The following ENPEP variants were observed in gnomAD, a reference collection of about 807,000 sequenced individuals.
ENPEP encodes glutamyl aminopeptidase.
ENPEP carries 103 observed loss-of-function variants against 114.5 expected under a neutral mutation model. The observed-to-expected ratio is 0.90, with a 90% confidence interval of 0.77 to 1.06. The LOEUF (loss-of-function observed/expected upper bound fraction) is 1.06. Ranked by LOEUF, ENPEP falls within the 50% of genes least tolerant of loss-of-function variation. The pLI, the probability that ENPEP is intolerant of heterozygous loss-of-function variation, is 0.00. For missense variants in ENPEP, 1,196 were observed against 1,161.3 expected (o/e 1.03, Z -0.43); for synonymous variants, 420 against 422.0 (o/e 1.00, Z 0.06).
At position 110,542,869 on chromosome 4, in the gene ENPEP, G is replaced by A. The variant is rs757912646; in HGVS notation, c.1926G>A (p.Ala642=). Residue 642 remains alanine, a synonymous_variant, in exon 12 of 20, where the codon GCG becomes GCA. Transcript: ENST00000265162. ...EVATWDSIAT[A]LSLNHKTFSS... The stretch of plus-strand genomic sequence containing the variant: ...CAACTTGGGACTCGATAGCTACAGC[G>A]CTCTCCTTGAACCACAAGGTAAGAG... 3.2e-5 allele frequency: 51 copies of A among 1,612,910 alleles called. No homozygotes were observed. Among genetic ancestry groups the A allele is most frequent in the Admixed American group, 2.5e-4 (15 of 59,918 alleles).
chr4:110,533,179 AC>A, intron 11 of ENPEP: 1 of 369,540 alleles, frequency 2.7e-6, no homozygotes, highest in South Asian at 2.0e-5. Context: ...AGTACAATTC[AC>A]CCAGCACTTT....
intron 3 of ENPEP, chr4:110,506,033 G>A (rs1725357244): frequency 6.6e-6 from 1 of 152,198 alleles, no homozygotes; most frequent in South Asian, 2.1e-4. Context: ...CTCAGGGAAA[G>A]TTTGGATCAT....
intron 3 of ENPEP, among the ~76,000 whole-genome samples, chr4:110,502,218 C>G (rs1261228097): frequency 6.6e-6 from 1 of 152,170 alleles, no homozygotes; most frequent in Admixed American, 6.5e-5. Context: ...AATATTTTCT[C>G]TCATTCTGTA....
At chr4:110,544,176 A>G (rs1237213714) in intron 13 of ENPEP, among the ~76,000 whole-genome samples, 1 of 152,086 alleles carries the variant, frequency 6.6e-6, no homozygotes, top group Non-Finnish European at 1.5e-5. Context: ...CTGGTTCCAT[A>G]TAGTCTTAAG....
At chr4:110,561,233 G>A (rs1358687674) in intron 19 of ENPEP, among the ~76,000 whole-genome samples, 173 bp from the exon 20 acceptor site, 1 of 152,202 alleles carries the variant, frequency 6.6e-6, no homozygotes, top group Non-Finnish European at 1.5e-5. Context: ...GGTAACTATT[G>A]CTAATCTGAG....
Position 110,548,218 on chromosome 4 carries a change from G to A in ENPEP, c.2043G>A (p.Lys681=). Reference sequence around the variant, plus strand: ...ATAAGGTGGCTTTGAACTTGACCAAGTATCTCAAAAGGGAAGAGAATTTTT... The same window carrying A: ...ATAAGGTGGCTTTGAACTTGACCAAATATCTCAAAAGGGAAGAGAATTTTT... ...LDYKVALNLT[K]YLKREENFLP... Residue 681 remains lysine, a synonymous_variant, in exon 14 of 20, where the codon AAG becomes AAA. Transcript: ENST00000265162. The A allele has an allele frequency of 6.7e-7, 1 of 1,487,948 alleles. No individual in the cohort carries two copies. Among genetic ancestry groups the A allele is most frequent in the African/African-American group, 1.5e-5 (1 of 65,098 alleles). 92.2% of individuals were successfully genotyped at this position (1,487,948 alleles called of 1,614,324 possible). A position where few individuals can be genotyped will look rare whatever the true frequency, so the allele number is the denominator to read the frequency against.
intron 7 of ENPEP, among the ~76,000 whole-genome samples, 200 bp downstream of exon 7, chr4:110,513,749 AAG>A (rs980948989): frequency 6.6e-6 from 1 of 152,146 alleles, no homozygotes; most frequent in African/African-American, 2.4e-5. Flanking sequence ...AGAATTTTAA[AAG>A]AGATTTTTAA....
chr4:110,509,862 A>G, intron 5 of ENPEP, 55 bp downstream of exon 5: 2 of 1,555,774 alleles, frequency 1.3e-6, no homozygotes, highest in South Asian at 1.2e-5. Context: ...TTAAGACCAC[A>G]GGAATAATTC....
Position 110,490,884 on chromosome 4 carries a change from T to C in ENPEP, c.787-149T>C, listed in dbSNP as rs1724682043. On this transcript the variant is annotated intron_variant, in intron 2 of 19. Transcript: ENST00000265162. Reference sequence around the variant, plus strand: ...CAAAGTAAATTTTCCTGTAGTCTTTTCAACATCACCACAAACAATTTGACC... The same window carrying C: ...CAAAGTAAATTTTCCTGTAGTCTTTCCAACATCACCACAAACAATTTGACC... The C allele has an allele frequency of 5.4e-5, 44 of 819,866 alleles. No homozygotes were observed. The South Asian group carries it at 7.9e-4, about 15-fold the overall frequency. The allele number at this position is 819,866 out of a possible 1,614,324, so 50.8% of individuals were successfully genotyped here.
chr4:110,517,257 A>T (rs1264656006), intron 8 of ENPEP, among the ~76,000 whole-genome samples: 2 of 152,130 alleles, frequency 1.3e-5, no homozygotes, highest in Non-Finnish European at 2.9e-5. Context: ...AGCATCTTTA[A>T]TCAGGGACTC....
Position 110,544,354 on chromosome 4 carries a change from G to A in ENPEP, c.2000+1284G>A, listed in dbSNP as rs539052088. Among the ~76,000 whole-genome samples, 12 of 152,144 alleles carry A rather than the reference G, an allele frequency of 7.9e-5. No homozygotes were observed. In the South Asian group the frequency reaches 1.9e-3, roughly 24 times the overall value. ...ATTACATGACCAAAATGCATCCACC[G>A]TTAATTAGTAGTGAAGATGCGTTTA... On this transcript the variant is annotated intron_variant, in intron 13 of 19. Coordinates refer to ENST00000265162, the MANE Select transcript of ENPEP (RefSeq NM_001977.4).
At chr4:110,501,155 AAT>A (rs1725138887) in intron 3 of ENPEP, among the ~76,000 whole-genome samples, 1 of 152,208 alleles carries the variant, frequency 6.6e-6, no homozygotes, top group South Asian at 2.1e-4. Flanking sequence ...GCTTTGGCTT[AAT>A]ATGTTACAAA....
chr4:110,537,257 G>C (rs1029078100), intron 11 of ENPEP, among the ~76,000 whole-genome samples: 3 of 152,144 alleles, frequency 2.0e-5, no homozygotes, highest in African/African-American at 7.2e-5. Context: ...ATGCGATGCT[G>C]TTTAATAGAA....
chr4:110,531,269 A>T lies in ENPEP; in HGVS notation c.1799A>T (p.Glu600Val). ...ITSSVLFNRS[E>V]KEGITLNSSN... ...AGCAGTGTGTTATTTAATAGGTCAG[A>T]AAAAGAAGGTAAATATTATTAATTG... The change falls in exon 11 of 20, where the codon GAA (glutamate) becomes GTA (valine). Residue 600 changes from glutamate (E) to valine (V), a missense_variant. By Grantham distance (121) the Glu-to-Val change is moderately radical (BLOSUM62 -2). Transcript: ENST00000265162. The T allele has an allele frequency of 7.0e-7, 1 of 1,435,894 alleles. No homozygotes were observed. The highest frequency in any genetic ancestry group is 9.4e-7 in the Non-Finnish European group (1 of 1,068,868). 88.9% of individuals were successfully genotyped at this position (1,435,894 alleles called of 1,614,324 possible).
intron 11 of ENPEP, among the ~76,000 whole-genome samples, chr4:110,532,735 T>C (rs1367978165): frequency 6.6e-6 from 1 of 152,214 alleles, no homozygotes; most frequent in Non-Finnish European, 1.5e-5. Context: ...GCACAGGGAT[T>C]GCTATTACAA....
At chr4:110,560,613 A>C (rs1295991837) in intron 19 of ENPEP, among the ~76,000 whole-genome samples, 1 of 152,208 alleles carries the variant, frequency 6.6e-6, no homozygotes, top group Non-Finnish European at 1.5e-5. Context: ...CACACCAGAC[A>C]GTTCAGCTCA....
Position 110,553,461 on chromosome 4 carries a change from A to T in ENPEP, c.2642+6A>T. On this transcript the variant is annotated splice_donor_region_variant and intron_variant, in intron 18 of 19. Coordinates refer to ENST00000265162, the MANE Select transcript of ENPEP (RefSeq NM_001977.4). ...TGGGACTATCTAGTCAACAGGTGGG[A>T]TGATCTGATGATGGTCTGCTGTTTT... 6.2e-7 allele frequency: 1 copy of T among 1,605,026 alleles called. No homozygotes were observed. Among genetic ancestry groups the T allele is most frequent in the Non-Finnish European group, 8.5e-7 (1 of 1,174,392 alleles).
intron 1 of ENPEP, among the ~76,000 whole-genome samples, chr4:110,485,992 C>G (rs561963186): frequency 6.6e-6 from 1 of 152,278 alleles, no homozygotes; most frequent in South Asian, 2.1e-4. Context: ...CAAGGTTTCT[C>G]TTTAGGTAAC....
rs2110363131 is a variant in ENPEP at position 110,520,226 on chromosome 4, A to G, written c.1587A>G (p.Leu529=). ...FWAALEEASR[L]PVKEVMDTWT... is the part of the protein sequence containing the mutation. ...GTTTTCAATCTTAGGCAAGTAGGCTACCAGTGAAAGAAGTAATGGACACCT... is the reference window on the plus strand; with the variant it reads ...GTTTTCAATCTTAGGCAAGTAGGCTGCCAGTGAAAGAAGTAATGGACACCT... The change falls in exon 10 of 20, where the codon CTA becomes CTG. Residue 529 remains leucine, a synonymous_variant. Transcript: ENST00000265162. 6.2e-7 allele frequency: 1 copy of G among 1,613,870 alleles called. No individual in the cohort carries two copies. The highest frequency in any genetic ancestry group is 1.7e-5 in the Admixed American group (1 of 60,004).
Sources: gnomAD v4.1 joint callset for allele counts (sites outside exome capture counted in the v4.1 genomes callset) on GRCh38, gnomAD v4.1.1 for gene constraint, MANE v1.5 for transcripts, NCBI Gene and HGNC (gene_info 2026-07-23, HGNC 2026-07-21) for gene names.